PLEKHH1: variants seen among roughly 807,000 people sequenced by gnomAD.
PLEKHH1 encodes pleckstrin homology domain-containing family H member 1.
PLEKHH1 carries 104 observed loss-of-function variants against 160.0 expected under a neutral mutation model. The ratio of observed to expected loss-of-function variants is 0.65; its 90% confidence interval spans 0.55 to 0.76. PLEKHH1 has a LOEUF of 0.76. Ranked by LOEUF, PLEKHH1 falls within the 30% of genes least tolerant of loss-of-function variation. The pLI is 0.00. For synonymous variants in PLEKHH1, 619 were observed against 678.4 expected (o/e 0.91, Z 1.36); for missense variants, 1,427 against 1,724.1 (o/e 0.83, Z 3.05).
intron 9 of PLEKHH1, chr14:67,571,427 C>T (rs2035368784): frequency 1.6e-5 from 4 of 250,678 alleles, no homozygotes; most frequent in Admixed American, 4.6e-5. Context: ...TTTTAAAGCT[C>T]GCATGGCACA....
chr14:67,585,547 G>A (rs369323913), intron 26 of PLEKHH1, 21 bp from the exon 27 acceptor site: 3 of 1,506,892 alleles, frequency 2.0e-6, no homozygotes, highest in African/African-American at 2.8e-5. Flanking sequence ...TATATCTGAT[G>A]GGTTGTTTCT....
intron 1 of PLEKHH1, among the ~76,000 whole-genome samples, chr14:67,538,732 A>T (rs1162650052): frequency 1.3e-5 from 2 of 152,122 alleles, no homozygotes; most frequent in African/African-American, 4.8e-5. Context: ...CAACCTCCTC[A>T]GCAACTTGCC....
intron 23 of PLEKHH1, chr14:67,581,867 G>A: frequency 1.8e-6 from 1 of 560,634 alleles, no homozygotes; most frequent in South Asian, 2.1e-5. Flanking sequence ...ATGCCCTCCT[G>A]TTGGTATGAG....
At chr14:67,568,864 C>T (rs1176031921) in intron 7 of PLEKHH1, among the ~76,000 whole-genome samples, 3 of 152,170 alleles carry the variant, frequency 2.0e-5, no homozygotes, top group Non-Finnish European at 2.9e-5. Flanking sequence ...AGAGAGGGAA[C>T]TGTTGGGCAC....
In PLEKHH1 at chr14:67,573,855, A is replaced by G. The variant is rs1320008701; in HGVS notation, c.1894A>G (p.Ile632Val). The G allele has an allele frequency of 6.2e-7, 1 of 1,613,576 alleles. No individual in the cohort carries two copies. Among genetic ancestry groups the G allele is most frequent in the Non-Finnish European group, 8.5e-7 (1 of 1,179,704 alleles). Reference sequence around the variant, plus strand: ...AGTGGATCTGAACTCCCGCTGCCAAATTGTTCGAGGGGAGGGTTCACAGAC... The same window carrying G: ...AGTGGATCTGAACTCCCGCTGCCAAGTTGTTCGAGGGGAGGGTTCACAGAC... ...GQVDLNSRCQIVRGEGSQTFQ... is the reference protein window; with the variant it reads ...GQVDLNSRCQVVRGEGSQTFQ... The change falls in exon 13 of 29, where the codon ATT (isoleucine) becomes GTT (valine). Residue 632 changes from isoleucine (I) to valine (V), a missense_variant. Coordinates refer to ENST00000329153, the MANE Select transcript of PLEKHH1 (RefSeq NM_020715.3). The surrounding 1 kb of genome is among the most constrained non-coding windows in gnomAD (Gnocchi z 4.8).
intron 7 of PLEKHH1, among the ~76,000 whole-genome samples, chr14:67,566,143 G>A (rs1380791396): frequency 4.6e-5 from 7 of 152,084 alleles, no homozygotes; most frequent in South Asian, 4.1e-4. Flanking sequence ...ATGCTGGTTC[G>A]GGAGGCACAC....
rs2035744186 is a variant in PLEKHH1, at chr14:67,578,687, A to G, written c.2849+56A>G. 4 of 1,116,838 alleles carry G rather than the reference A, an allele frequency of 3.6e-6. No individual in the cohort carries two copies. The highest frequency in any genetic ancestry group is 1.3e-5 in the South Asian group (1 of 75,512). 69.2% of individuals were successfully genotyped at this position (1,116,838 alleles called of 1,614,324 possible). A position where few individuals can be genotyped will look rare whatever the true frequency, so the allele number is the denominator to read the frequency against. On this transcript the variant is annotated intron_variant, in intron 20 of 28. Coordinates refer to ENST00000329153, the MANE Select transcript of PLEKHH1 (RefSeq NM_020715.3). This position sits in a 1 kb window ranked among gnomAD's most constrained non-coding sequence, Gnocchi z 5.0. ...TTGAGCACTGCCAACTGCCGCATGA[A>G]TAAGAGGGATGAGAGGAGTCTAGGG...
chr14:67,562,326 C>T lies in PLEKHH1; in HGVS notation c.695C>T (p.Ala232Val). 1.2e-6 allele frequency: 2 copies of T among 1,613,952 alleles called. No homozygotes were observed. Among genetic ancestry groups the T allele is most frequent in the Non-Finnish European group, 1.7e-6 (2 of 1,179,858 alleles). Residue 232 changes from alanine to valine, a missense_variant, in exon 7 of 29, where the codon GCA becomes GTA. Transcript: ENST00000329153. ...CAGAGCAAGGACTCTGTTTCTGAAG[C>T]AGCAAGCCCCTTGGAGGATTCTAGT... ...ALQSKDSVSE[A>V]ASPLEDSSSS...
chr14:67,554,855 T>TC (rs2034531428), intron 2 of PLEKHH1, among the ~76,000 whole-genome samples: 1 of 152,168 alleles, frequency 6.6e-6, no homozygotes. Context: ...ATCCAGAATT[T>TC]CCATGCTCCT....
chr14:67,577,393 G>A lies in PLEKHH1; in HGVS notation c.2553G>A (p.Thr851=), dbSNP rs1315581354. 12 of 1,585,454 alleles carry A rather than the reference G, an allele frequency of 7.6e-6. No homozygotes were observed. Among genetic ancestry groups the A allele is most frequent in the Admixed American group, 1.8e-5 (1 of 56,548 alleles). ...LTTLPSEALQ[T]EALKLFKSCQ... is the part of the protein sequence containing the mutation. ...CCCTGCCCTCTGAGGCCTTGCAGAC[G>A]GAGGCCCTCAAGCTCTTCAAGGTAA... The change falls in exon 18 of 29, where the codon ACG becomes ACA. Residue 851 remains threonine, a synonymous_variant. Transcript: ENST00000329153.
chr14:67,555,728 G>A, intron 2 of PLEKHH1, 97 bp from the exon 3 acceptor site: 2 of 1,533,978 alleles, frequency 1.3e-6, no homozygotes, highest in Non-Finnish European at 8.8e-7. Flanking sequence ...AGTCTGGCCT[G>A]TGTGCAGTGT....
chr14:67,580,065 T>C, intron 22 of PLEKHH1, 189 bp downstream of exon 22: 1 of 580,996 alleles, frequency 1.7e-6, no homozygotes, highest in Non-Finnish European at 3.0e-6. Context: ...AGCTGTTGTG[T>C]GCCCTTGTCT....
Position 67,580,781 on chromosome 14 carries a change from G to A in PLEKHH1, c.3184-157G>A. 8.5e-6 allele frequency: 5 copies of A among 589,444 alleles called. No homozygotes were observed. The South Asian group carries it at 1.0e-4, about 12-fold the overall frequency. The allele number at this position is 589,444 out of a possible 1,614,324, so 36.5% of individuals were successfully genotyped here. A position where few individuals can be genotyped will look rare whatever the true frequency, so the allele number is the denominator to read the frequency against. On this transcript the variant is annotated intron_variant, in intron 22 of 28. Coordinates refer to ENST00000329153, the MANE Select transcript of PLEKHH1 (RefSeq NM_020715.3). Reference sequence around the variant, plus strand: ...TGTGAGGGAGCTGCTGCCACCTTGGGTCCAGGAAGCATGAAGCTCCGCAGG... The same window carrying A: ...TGTGAGGGAGCTGCTGCCACCTTGGATCCAGGAAGCATGAAGCTCCGCAGG...
chr14:67,557,616 T>C (rs2034647565), intron 4 of PLEKHH1, among the ~76,000 whole-genome samples, 198 bp downstream of exon 4: 1 of 152,196 alleles, frequency 6.6e-6, no homozygotes, highest in Non-Finnish European at 1.5e-5. Context: ...AGGCAGGGGA[T>C]AGAGTAGAAA....
chr14:67,583,928 C>G, intron 25 of PLEKHH1, 45 bp downstream of exon 25: 1 of 1,611,672 alleles, frequency 6.2e-7, no homozygotes, highest in Non-Finnish European at 8.5e-7. Flanking sequence ...GTGGGGAGGT[C>G]TCAGGCCTGG....
Position 67,576,329 on chromosome 14 carries a change from C to A in PLEKHH1, c.2353-66C>A. On this transcript the variant is annotated intron_variant, in intron 16 of 28. Coordinates refer to ENST00000329153, the MANE Select transcript of PLEKHH1 (RefSeq NM_020715.3). This position sits in a 1 kb window ranked among gnomAD's most constrained non-coding sequence, Gnocchi z 4.0. Reference sequence around the variant, plus strand: ...GGGCTTGGTCCCTTCAAGGAGTCCTCCTTGGAGCTCTTGCCTCCACTCTTC... The same window carrying A: ...GGGCTTGGTCCCTTCAAGGAGTCCTACTTGGAGCTCTTGCCTCCACTCTTC... 1.1e-6 allele frequency: 1 copy of A among 914,762 alleles called. No individual in the cohort carries two copies. Among genetic ancestry groups the A allele is most frequent in the Non-Finnish European group, 1.7e-6 (1 of 576,280 alleles). 56.7% of individuals were successfully genotyped at this position (914,762 alleles called of 1,614,324 possible).
At chr14:67,558,341 A>G (rs6573780) in intron 4 of PLEKHH1, among the ~76,000 whole-genome samples, 2 of 151,928 alleles carry the variant, frequency 1.3e-5, no homozygotes, top group African/African-American at 4.8e-5. Flanking sequence ...TTCCAACCAT[A>G]ATGGGCAGAT....
rs1280331086 is a variant in PLEKHH1, at chr14:67,533,337, C to A, written c.-96C>A. 6.6e-6 allele frequency: 1 copy of A among 151,322 alleles called. No individual in the cohort carries two copies. The highest frequency in any genetic ancestry group is 1.5e-5 in the Non-Finnish European group (1 of 67,630). 9.4% of individuals were successfully genotyped at this position (151,322 alleles called of 1,614,324 possible). On this transcript the variant is annotated 5_prime_UTR_variant, in exon 1 of 29. Coordinates refer to ENST00000329153, the MANE Select transcript of PLEKHH1 (RefSeq NM_020715.3). ...GAGAGCGACGCAAGGTCGGCTGCGG[C>A]GGCGGCCCGAGGGCGCCCGTGTGCC...
At position 67,541,861 on chromosome 14, in the gene PLEKHH1, T is replaced by C. The variant is rs1372292690; in HGVS notation, c.-7T>C. The C allele has an allele frequency of 6.3e-7, 1 of 1,590,198 alleles. No homozygotes were observed. ...CTCCCCAGAATAATCCAGAAGTCGA[T>C]TCCATCATGGCAGAACTCAAGGTGG... On this transcript the variant is annotated 5_prime_UTR_variant, in exon 2 of 29. Transcript: ENST00000329153.
Sources: gnomAD v4.1 joint callset for allele counts (sites outside exome capture counted in the v4.1 genomes callset) on GRCh38, gnomAD v4.1.1 for gene constraint, Gnocchi (gnomAD v3.1) non-coding constraint, MANE v1.5 for transcripts, NCBI Gene and HGNC (gene_info 2026-07-23, HGNC 2026-07-21) for gene names.